The following FHIP1A variants were observed in gnomAD, a reference collection of about 807,000 sequenced individuals.
FHIP1A encodes FHF complex subunit HOOK interacting protein 1A.
In FHIP1A, 61 loss-of-function variants were observed where a neutral mutation model predicts 88.6. That is an observed-to-expected ratio of 0.69 (90% CI 0.56 to 0.85). FHIP1A has a LOEUF of 0.85. Ranked by LOEUF, FHIP1A falls within the 40% of genes least tolerant of loss-of-function variation. The pLI, the probability that FHIP1A is intolerant of heterozygous loss-of-function variation, is 0.00. For synonymous variants in FHIP1A, 478 were observed against 496.0 expected (o/e 0.96, Z 0.48); for missense variants, 1,154 against 1,273.5 (o/e 0.91, Z 1.43).
chr4:151,409,934 G>A (rs1314469890), intron 1 of FHIP1A, among the ~76,000 whole-genome samples: 5 of 152,162 alleles, frequency 3.3e-5, no homozygotes, highest in Non-Finnish European at 5.9e-5. Flanking sequence ...CCTGGTGTAA[G>A]GACTTACTGG....
At chr4:151,594,862 C>T (rs898732294) in intron 7 of FHIP1A, among the ~76,000 whole-genome samples, 6 of 152,070 alleles carry the variant, frequency 3.9e-5, no homozygotes, top group Non-Finnish European at 7.4e-5. Context: ...TGTGAGCCAC[C>T]GCACCCAGCC....
chr4:151,474,096 G>A (rs2126622691), intron 2 of FHIP1A, among the ~76,000 whole-genome samples: 1 of 152,186 alleles, frequency 6.6e-6, no homozygotes, highest in African/African-American at 2.4e-5. Flanking sequence ...AAGCCAATGA[G>A]GAGAAGTATT....
intron 7 of FHIP1A, among the ~76,000 whole-genome samples, chr4:151,627,389 C>A (rs111228070): frequency 8.5e-5 from 13 of 152,242 alleles, no homozygotes; most frequent in African/African-American, 2.9e-4. Flanking sequence ...GCTGTGCTTT[C>A]AAGCTTACTA....
Position 151,581,729 on chromosome 4 carries a change from A to G in FHIP1A, c.732+3653A>G, listed in dbSNP as rs548252121. On this transcript the variant is annotated intron_variant, in intron 5 of 13. Transcript: ENST00000435205. ...CTCTTTATGTTGAAGATAAAAGCAT[A>G]CTCTATTAACCATCCAGCTAAGGAC... Among the ~76,000 whole-genome samples the G allele has an allele frequency of 2.0e-5, 3 of 152,252 alleles. No homozygotes were observed. In the South Asian group the frequency reaches 6.2e-4, roughly 32 times the overall value.
chr4:151,487,903 C>T (rs541722514), intron 3 of FHIP1A, among the ~76,000 whole-genome samples: 52 of 152,306 alleles, frequency 3.4e-4, no homozygotes, highest in African/African-American at 1.2e-3. Flanking sequence ...TTTTCAGTGG[C>T]TCAAGCCAGA....
In FHIP1A at chr4:151,663,965, G is replaced by A. The variant is rs1281692507; in HGVS notation, c.*1211G>A. Among the ~76,000 whole-genome samples the A allele has an allele frequency of 6.6e-6, 1 of 152,168 alleles. No homozygotes were observed. The highest frequency in any genetic ancestry group is 1.5e-5 in the Non-Finnish European group (1 of 68,040). On this transcript the variant is annotated 3_prime_UTR_variant, in exon 14 of 14. Transcript: ENST00000435205. ...GCTGCTTTGCAGCCTGCTCCAAGAGGCAGGATTATACTTAGAGCCACAGCC... is the reference window on the plus strand; with the variant it reads ...GCTGCTTTGCAGCCTGCTCCAAGAGACAGGATTATACTTAGAGCCACAGCC...
At chr4:151,633,716 T>G (rs1736241678) in intron 8 of FHIP1A, among the ~76,000 whole-genome samples, 1 of 151,988 alleles carries the variant, frequency 6.6e-6, no homozygotes, top group South Asian at 2.1e-4. Context: ...CAGCGTCATC[T>G]CAATTGATAC....
intron 5 of FHIP1A, among the ~76,000 whole-genome samples, chr4:151,583,105 A>G (rs781049803): frequency 4.6e-4 from 70 of 152,180 alleles, no homozygotes; most frequent in Non-Finnish European, 9.1e-4. Context: ...CCAATCTTGC[A>G]TATGTCTGAC....
At chr4:151,414,089 C>T (rs1015969483) in intron 1 of FHIP1A, among the ~76,000 whole-genome samples, 21 of 150,406 alleles carry the variant, frequency 1.4e-4, no homozygotes, top group East Asian at 3.9e-4. Context: ...CTCACTCTGT[C>T]GCCCAGGCTG....
intron 1 of FHIP1A, among the ~76,000 whole-genome samples, chr4:151,425,331 C>G (rs1733321258): frequency 6.6e-6 from 1 of 151,778 alleles, no homozygotes; most frequent in East Asian, 1.9e-4. Context: ...AAATAAATGA[C>G]AAGAAAAACA....
At chr4:151,483,202 G>A (rs916196041) in intron 3 of FHIP1A, among the ~76,000 whole-genome samples, 5 of 151,866 alleles carry the variant, frequency 3.3e-5, no homozygotes, top group Non-Finnish European at 4.4e-5. Flanking sequence ...AAATCAATAA[G>A]TCAATCTGTT....
At chr4:151,496,908 A>G (rs1242791460) in intron 3 of FHIP1A, among the ~76,000 whole-genome samples, 2 of 151,900 alleles carry the variant, frequency 1.3e-5, no homozygotes, top group Non-Finnish European at 1.5e-5. Flanking sequence ...CTAGATAAAG[A>G]GAGCAAGTAT....
chr4:151,582,222 G>GT (rs1734052229), intron 5 of FHIP1A, among the ~76,000 whole-genome samples: 1 of 152,192 alleles, frequency 6.6e-6, no homozygotes, highest in African/African-American at 2.4e-5. Context: ...TCCCTACCAG[G>GT]TGTTATGCTG....
At chr4:151,495,960 A>G (rs1730447338) in intron 3 of FHIP1A, among the ~76,000 whole-genome samples, 1 of 152,044 alleles carries the variant, frequency 6.6e-6, no homozygotes, top group African/African-American at 2.4e-5. Context: ...ATATTGTTTT[A>G]TGATTTAAAA....
intron 3 of FHIP1A, among the ~76,000 whole-genome samples, chr4:151,515,816 A>G (rs1006652430): frequency 6.6e-5 from 10 of 152,180 alleles, no homozygotes; most frequent in African/African-American, 2.4e-4. Flanking sequence ...AAACAAATGG[A>G]AGAACATTCC....
chr4:151,572,500 C>A (rs1733634409), intron 4 of FHIP1A, among the ~76,000 whole-genome samples: 1 of 152,122 alleles, frequency 6.6e-6, no homozygotes, highest in Admixed American at 6.5e-5. Context: ...GTAGAGGTCT[C>A]CCTGTGGAAA....
chr4:151,493,608 CA>C (rs756145798), intron 3 of FHIP1A, among the ~76,000 whole-genome samples: 8 of 152,092 alleles, frequency 5.3e-5, no homozygotes, highest in Non-Finnish European at 7.4e-5. Flanking sequence ...AACAGCATAT[CA>C]AAAAGATAAC....
intron 3 of FHIP1A, among the ~76,000 whole-genome samples, chr4:151,536,992 A>G (rs527757563): frequency 6.6e-6 from 1 of 151,976 alleles, no homozygotes; most frequent in Non-Finnish European, 1.5e-5. Flanking sequence ...CTCCCACTTC[A>G]GCTTCCTGAG....
chr4:151,549,021 C>T (rs1407296012), intron 3 of FHIP1A, among the ~76,000 whole-genome samples: 1 of 152,152 alleles, frequency 6.6e-6, no homozygotes, highest in Non-Finnish European at 1.5e-5. Context: ...GTGTCATTCC[C>T]CTATTGGCTG....
Sources: gnomAD v4.1 joint callset for allele counts (sites outside exome capture counted in the v4.1 genomes callset) on GRCh38, gnomAD v4.1.1 for gene constraint, MANE v1.5 for transcripts, NCBI Gene and HGNC (gene_info 2026-07-23, HGNC 2026-07-21) for gene names.